TACC2: variants seen among roughly 807,000 people sequenced by gnomAD.
TACC2 encodes the protein transforming acidic coiled-coil containing protein 2.
In TACC2, 137 loss-of-function variants were observed where a neutral mutation model predicts 227.3. The ratio of observed to expected loss-of-function variants is 0.60; its 90% CI spans 0.52 to 0.69. The LOEUF (loss-of-function observed/expected upper bound fraction) is 0.69. TACC2 is among the 30% of genes least tolerant of loss of function. The pLI, the probability that TACC2 is intolerant of heterozygous loss-of-function variation, is 0.00. For missense variants in TACC2, 3,470 were observed against 3,694.4 expected (o/e 0.94, Z 1.57); for synonymous variants, 1,523 against 1,487.5 (o/e 1.02, Z -0.55).
chr10:122,249,386 G>T (rs1252106491), intron 21 of TACC2, among the ~76,000 whole-genome samples, 158 bp from the exon 22 acceptor site: 1 of 152,230 alleles, frequency 6.6e-6, no homozygotes, highest in Non-Finnish European at 1.5e-5. Flanking sequence ...CATGGCAATG[G>T]AATTGGGTTT....
chr10:122,203,409 C>T (rs1197505214), intron 8 of TACC2, among the ~76,000 whole-genome samples: 18 of 148,824 alleles, frequency 1.2e-4, no homozygotes, highest in African/African-American at 7.5e-5. Context: ...GCTGGCTGGG[C>T]GGGCGGCTGA....
intron 5 of TACC2, among the ~76,000 whole-genome samples, chr10:122,098,000 G>A (rs752802207): frequency 8.5e-5 from 13 of 152,098 alleles, no homozygotes; most frequent in Non-Finnish European, 1.8e-4. Flanking sequence ...CTGGGTACAC[G>A]CTCCTCTGCT....
At chr10:122,137,651 T>C (rs4751876) in intron 6 of TACC2, among the ~76,000 whole-genome samples, 106,767 of 152,068 alleles carry the variant, frequency 0.7, 39,711 homozygotes, top group Middle Eastern at 0.85. Flanking sequence ...AAAAATTACT[T>C]ACTGGACTTG....
intron 7 of TACC2, among the ~76,000 whole-genome samples, chr10:122,165,447 G>A (rs1235039166): frequency 6.6e-6 from 1 of 152,116 alleles, no homozygotes. Context: ...TCAGCTCGCC[G>A]GTCCCTAACG....
At position 122,083,187 on chromosome 10, in the gene TACC2, G is replaced by C; in HGVS notation, c.687G>C (p.Glu229Asp). 1 of 1,613,418 alleles carries C rather than the reference G, an allele frequency of 6.2e-7. No homozygotes were observed. Residue 229 changes from glutamate to aspartate, a missense_variant, in exon 4 of 23, where the codon GAG (glutamate) becomes GAC (aspartate). Glu to Asp is a conservative substitution (Grantham distance 45). Coordinates refer to ENST00000369005, the MANE Select transcript of TACC2 (RefSeq NM_206862.4). ...GTGGTTTTGAGTCCCAAGAGAAAGA[G>C]GCTGCAGGTGGCTTTCCCCCTGCAG... ...QPGGFESQEK[E>D]AAGGFPPAES... is the part of the protein sequence containing the mutation.
At chr10:122,007,999 A>G (rs952656367) in intron 1 of TACC2, among the ~76,000 whole-genome samples, 7 of 152,244 alleles carry the variant, frequency 4.6e-5, no homozygotes, top group Non-Finnish European at 8.8e-5. Flanking sequence ...GAGTCCTCCC[A>G]CCAGCAAGAA....
rs769356942 is a variant in TACC2 at position 122,216,791 on chromosome 10, C to G, written c.7509C>G (p.Thr2503=). Residue 2503 remains threonine, a synonymous_variant, in exon 11 of 23, where the codon ACC becomes ACG. Transcript: ENST00000369005. ...ACCCGCAGCCCTCGGACCTGTCCAC[C>G]TTTGTAAACGAGACCAAATTCAGTT... The part of the protein sequence containing the change: ...QDYPQPSDLS[T]FVNETKFSSP... 216 of 1,614,124 alleles carry G rather than the reference C, an allele frequency of 1.3e-4. No individual in the cohort carries two copies. Among genetic ancestry groups the G allele is most frequent in the Non-Finnish European group, 1.7e-4 (199 of 1,180,024 alleles).
At chr10:122,240,575 A>G (rs954801158) in intron 18 of TACC2, among the ~76,000 whole-genome samples, 2 of 152,218 alleles carry the variant, frequency 1.3e-5, no homozygotes, top group Non-Finnish European at 2.9e-5. Flanking sequence ...AGGAGTAAGC[A>G]GAGCGCCCGC....
At chr10:122,250,495 T>C (rs1407464680) in intron 22 of TACC2, among the ~76,000 whole-genome samples, 1 of 152,102 alleles carries the variant, frequency 6.6e-6, no homozygotes. Flanking sequence ...GCCTCCCGAG[T>C]GGCCTCTACT....
In TACC2 at chr10:122,140,576, G is replaced by A. The variant is rs1467373500; in HGVS notation, c.5700-2996G>A. ...CAGGTGGAATGAGACTACAGAATGT[G>A]CGGACCCCATATCAGTGCCCTGCTC... On this transcript the variant is annotated intron_variant, in intron 6 of 22. Transcript: ENST00000369005. Among the ~76,000 whole-genome samples the A allele has an allele frequency of 3.3e-5, 5 of 152,224 alleles. No individual in the cohort carries two copies. In the East Asian group the frequency reaches 7.7e-4, roughly 23 times the overall value.
chr10:122,087,999 G>C, intron 4 of TACC2, 40 bp downstream of exon 4: 2 of 1,479,578 alleles, frequency 1.4e-6, no homozygotes, highest in Non-Finnish European at 1.8e-6. Flanking sequence ...TGTGTGGTCA[G>C]TTTCAAAGGT....
intron 7 of TACC2, among the ~76,000 whole-genome samples, chr10:122,145,383 A>G (rs977643173): frequency 6.9e-6 from 1 of 144,384 alleles, no homozygotes; most frequent in Non-Finnish European, 1.5e-5. Context: ...ATGAATCGCA[A>G]ATGCATTAGG....
rs71026005 is a variant in TACC2 at position 122,152,999 on chromosome 10, C to CTTTCTTTTTTT, written c.5834+9296_5834+9297insCTTTTTTTTTT. On this transcript the variant is annotated intron_variant, in intron 7 of 22. Transcript: ENST00000369005. The stretch of plus-strand genomic sequence containing the variant: ...GCTTTTGATATATATTTCTTTCTTT[C>CTTTCTTTTTTT]TTTTTTTTTTGAGACGGAGTCTCAC... Among the ~76,000 whole-genome samples, 35 of 135,026 alleles carry CTTTCTTTTTTT rather than the reference C, an allele frequency of 2.6e-4. 12 individuals carry two copies. Among genetic ancestry groups the CTTTCTTTTTTT allele is most frequent in the Admixed American group, 3.1e-4 (4 of 12,768 alleles). 88.6% of individuals were successfully genotyped at this position (135,026 alleles called of 152,430 possible).
intron 7 of TACC2, chr10:122,164,061 G>A: frequency 6.5e-7 from 1 of 1,535,122 alleles, no homozygotes; most frequent in Non-Finnish European, 8.8e-7. Context: ...CTTTGTTAGT[G>A]TCGCCTTTCC....
intron 1 of TACC2, among the ~76,000 whole-genome samples, chr10:122,011,534 T>C (rs1288167251): frequency 6.6e-6 from 1 of 152,126 alleles, no homozygotes; most frequent in Non-Finnish European, 1.5e-5. Context: ...TTCACCATGG[T>C]GACCAGGATG....
At chr10:122,026,504 A>G (rs1373729495) in intron 2 of TACC2, among the ~76,000 whole-genome samples, 1 of 151,508 alleles carries the variant, frequency 6.6e-6, no homozygotes, top group Non-Finnish European at 1.5e-5. Context: ...TGCATGATTC[A>G]TTTTGAATTA....
Position 122,085,278 on chromosome 10 carries a change from T to A in TACC2, c.2778T>A (p.Ser926=). The A allele has an allele frequency of 6.2e-7, 1 of 1,614,090 alleles. No individual in the cohort carries two copies. The stretch of plus-strand genomic sequence containing the variant: ...CCACTGACATGGTTTGGGAGAGTTC[T>A]CTGACAGAAGAGTCAGAATTGTCAG... ...SSPTDMVWES[S]LTEESELSAP... Residue 926 remains serine (S), a synonymous_variant, in exon 4 of 23, where the codon TCT becomes TCA. Transcript: ENST00000369005.
Position 122,161,973 on chromosome 10 carries a change from C to T in TACC2, c.5834+18267C>T, listed in dbSNP as rs774046712. Among the ~76,000 whole-genome samples the T allele has an allele frequency of 7.0e-4, 106 of 152,328 alleles. 1 individual carries two copies. The highest frequency in any genetic ancestry group is 3.4e-3 in the Middle Eastern group (1 of 292). ...GAATGGTGACAGGATGAACAGGTTG[C>T]AGGATCCTTGCCACCAAGTGACATC... is the stretch of plus-strand genomic sequence containing the variant. On this transcript the variant is annotated intron_variant, in intron 7 of 22. Transcript: ENST00000369005.
At chr10:122,075,365 G>A (rs1208032971) in intron 3 of TACC2, among the ~76,000 whole-genome samples, 3 of 152,058 alleles carry the variant, frequency 2.0e-5, no homozygotes, top group African/African-American at 7.3e-5. Context: ...CAGGGAGCTC[G>A]TCACGTGGCA....
Sources: allele counts gnomAD v4.1 joint callset (sites outside exome capture counted in the v4.1 genomes callset), GRCh38; gene constraint gnomAD v4.1.1; transcripts MANE v1.5; gene names NCBI Gene and HGNC (gene_info 2026-07-23, HGNC 2026-07-21).